ELF2: variants seen among roughly 807,000 people sequenced by gnomAD.
The protein encoded by ELF2 is ETS-related transcription factor Elf-2.
In ELF2, 11 loss-of-function variants were observed where a neutral mutation model predicts 54.8. The ratio of observed to expected loss-of-function variants is 0.20; its 90% CI spans 0.13 to 0.33. The LOEUF is 0.33. Among genes scored for constraint, ELF2 ranks in the 10% least tolerant of loss-of-function variants. The pLI is 1.00. For missense variants in ELF2, 513 were observed against 703.0 expected, an observed-to-expected ratio of 0.73 and a Z score of 3.06; for synonymous variants, 203 against 245.1, an observed-to-expected ratio of 0.83 and a Z score of 1.61.
At chr4:139,100,811 C>G (rs1010969740) in intron 4 of ELF2, among the ~76,000 whole-genome samples, 1 of 152,138 alleles carries the variant, frequency 6.6e-6, no homozygotes, top group Non-Finnish European at 1.5e-5. Flanking sequence ...ATTCCACTTA[C>G]AAATTTATAT....
At chr4:139,142,866 CAAA>C (rs35505802) in intron 1 of ELF2, among the ~76,000 whole-genome samples, 1 of 121,760 alleles carries the variant, frequency 8.2e-6, no homozygotes. Context: ...GACCTTGTCT[CAAA>C]AAAAAAAAAA....
intron 4 of ELF2, among the ~76,000 whole-genome samples, chr4:139,077,442 A>G (rs139040722): frequency 6.6e-6 from 1 of 152,348 alleles, no homozygotes; most frequent in Non-Finnish European, 1.5e-5. Context: ...TACTAATTTT[A>G]TCTCATCATT....
chr4:139,114,534 G>C (rs1189287259), intron 4 of ELF2, among the ~76,000 whole-genome samples: 1 of 115,172 alleles, frequency 8.7e-6, no homozygotes, highest in Non-Finnish European at 1.8e-5. Context: ...CTGCACTCCA[G>C]CCTGGCAACA....
intron 4 of ELF2, among the ~76,000 whole-genome samples, chr4:139,080,406 C>T (rs1192562411): frequency 6.6e-6 from 1 of 151,914 alleles, no homozygotes; most frequent in Non-Finnish European, 1.5e-5. Flanking sequence ...TTGATCTTTT[C>T]AAGATTGAGA....
intron 3 of ELF2, 124 bp downstream of exon 3, chr4:139,137,506 G>T: frequency 1.1e-6 from 1 of 948,604 alleles, no homozygotes; most frequent in Non-Finnish European, 1.6e-6. Context: ...TACACGACAT[G>T]TACATGTATA....
chr4:139,175,275 AAGCT>A (rs1259053344), intron 1 of ELF2, among the ~76,000 whole-genome samples: 1 of 152,240 alleles, frequency 6.6e-6, no homozygotes, highest in African/African-American at 2.4e-5. Flanking sequence ...AACCATACTC[AAGCT>A]GACTATTTTG....
intron 4 of ELF2, among the ~76,000 whole-genome samples, chr4:139,087,528 C>T (rs1020142313): frequency 3.3e-5 from 5 of 152,164 alleles, no homozygotes; most frequent in African/African-American, 4.8e-5. Context: ...TACAGTGGCG[C>T]GATCTCGGCT....
chr4:139,174,544 C>T (rs1742710914), intron 1 of ELF2, among the ~76,000 whole-genome samples: 1 of 151,998 alleles, frequency 6.6e-6, no homozygotes, highest in Admixed American at 6.6e-5. Flanking sequence ...AGTCGGCCCT[C>T]CATATCCATG....
At chr4:139,133,473 T>C (rs1419104166) in intron 3 of ELF2, among the ~76,000 whole-genome samples, 1 of 152,204 alleles carries the variant, frequency 6.6e-6, no homozygotes, top group Non-Finnish European at 1.5e-5. Context: ...TAGAAAGTCT[T>C]TAAATCAGAT....
rs561374582 is a variant in ELF2, at chr4:139,126,489, T to C, written c.73-1160A>G. Among the ~76,000 whole-genome samples, 4 of 152,156 alleles carry C rather than the reference T, an allele frequency of 2.6e-5. No individual in the cohort carries two copies. In the South Asian group the frequency reaches 8.3e-4, roughly 32 times the overall value. On this transcript the variant is annotated intron_variant, in intron 3 of 9. Coordinates refer to ENST00000686138, the MANE Select transcript of ELF2 (RefSeq NM_001331036.3). ...TTGAAAGGACCCACCAAGTGTCTAG[T>C]ACAAAAAATTAAGGAACACATACAT... is the stretch of plus-strand genomic sequence containing the variant.
intron 1 of ELF2, among the ~76,000 whole-genome samples, chr4:139,169,216 C>T (rs1367481884): frequency 3.9e-5 from 6 of 151,926 alleles, no homozygotes; most frequent in Non-Finnish European, 7.4e-5. Flanking sequence ...GGCATGGTGG[C>T]GCAGGCCTGT....
At chr4:139,077,446 C>T (rs183021302) in intron 4 of ELF2, among the ~76,000 whole-genome samples, 17 of 152,240 alleles carry the variant, frequency 1.1e-4, no homozygotes, top group Non-Finnish European at 2.1e-4. Flanking sequence ...AATTTTATCT[C>T]ATCATTTTTA....
intron 4 of ELF2, among the ~76,000 whole-genome samples, chr4:139,094,839 G>A (rs1260324130): frequency 2.6e-5 from 4 of 152,046 alleles, no homozygotes; most frequent in Non-Finnish European, 5.9e-5. Flanking sequence ...ATATATCTTA[G>A]AGTTATTTTT....
In ELF2 at chr4:139,058,806, A is replaced by C. The variant is rs1222493096; in HGVS notation, c.*177T>G. ...GTTTTCTGTCAGCATCTCAATATGT[A>C]GTTCATTTCCCACTGAAACATGGGA... On this transcript the variant is annotated 3_prime_UTR_variant, in exon 10 of 10. Transcript: ENST00000686138. The C allele has an allele frequency of 2.4e-6, 2 of 821,568 alleles. No individual in the cohort carries two copies. The highest frequency in any genetic ancestry group is 3.6e-6 in the Non-Finnish European group (2 of 554,154). The allele number at this position is 821,568 out of a possible 1,614,324, so 50.9% of individuals were successfully genotyped here.
At chr4:139,114,546 A>T (rs1735333136) in intron 4 of ELF2, among the ~76,000 whole-genome samples, 1 of 61,768 alleles carries the variant, frequency 1.6e-5, no homozygotes, top group Non-Finnish European at 3.5e-5. Context: ...CTGGCAACAG[A>T]GCGAGACTTC....
chr4:139,116,241 T>C (rs1735701627), intron 4 of ELF2, among the ~76,000 whole-genome samples: 1 of 152,096 alleles, frequency 6.6e-6, no homozygotes. Flanking sequence ...AAGATTCACA[T>C]TTTACCATTT....
At chr4:139,100,595 T>C (rs2148784864) in intron 4 of ELF2, 1 of 152,344 alleles carries the variant, frequency 6.6e-6, no homozygotes. Context: ...TGATGAGTAG[T>C]GGGACTGCAC....
chr4:139,100,858 G>C (rs965245796), intron 4 of ELF2, among the ~76,000 whole-genome samples: 6 of 152,186 alleles, frequency 3.9e-5, no homozygotes, highest in African/African-American at 1.2e-4. Flanking sequence ...AGCATAGATT[G>C]CTGGGGGTAG....
At chr4:139,087,234 TTAGA>T (rs1212465326) in intron 4 of ELF2, among the ~76,000 whole-genome samples, 4 of 152,224 alleles carry the variant, frequency 2.6e-5, no homozygotes, top group Non-Finnish European at 5.9e-5. Context: ...GCAGCTACTC[TTAGA>T]AGACTGTCAG....
Sources: gnomAD v4.1 joint callset for allele counts (sites outside exome capture counted in the v4.1 genomes callset) on GRCh38, gnomAD v4.1.1 for gene constraint, MANE v1.5 for transcripts, NCBI Gene and HGNC (gene_info 2026-07-23, HGNC 2026-07-21) for gene names.